Variants in LRRIQ1 observed in about 807,000 individuals in gnomAD.
LRRIQ1 encodes leucine rich repeats and IQ motif containing 1.
A neutral mutation model predicts 211.9 loss-of-function variants in LRRIQ1; 210 were observed. The ratio of observed to expected loss-of-function variants is 0.99; its 90% confidence interval spans 0.89 to 1.11. The LOEUF is 1.11. Among genes scored for constraint, LRRIQ1 ranks in the 50% most tolerant of loss-of-function variants. The probability of loss-of-function intolerance (pLI) is 0.00; values close to 1 mark genes in which losing one functional copy is unlikely to be tolerated. For synonymous variants in LRRIQ1, 699 were observed against 650.1 expected (o/e 1.08, Z -1.14); for missense variants, 2,136 against 1,939.5 (o/e 1.10, Z -1.90).
intron 17 of LRRIQ1, among the ~76,000 whole-genome samples, chr12:85,126,524 G>T (rs1888379482): frequency 6.6e-6 from 1 of 152,048 alleles, no homozygotes; most frequent in Non-Finnish European, 1.5e-5. Context: ...GAATAAATGT[G>T]AATTATATTT....
chr12:85,091,411 T>G (rs1324449551), intron 11 of LRRIQ1, among the ~76,000 whole-genome samples: 4 of 152,162 alleles, frequency 2.6e-5, no homozygotes, highest in African/African-American at 4.8e-5. Flanking sequence ...TTGTCAGATG[T>G]ATAGTTTGGG....
intron 24 of LRRIQ1, among the ~76,000 whole-genome samples, chr12:85,167,430 C>T (rs1320620094): frequency 1.3e-5 from 2 of 152,162 alleles, no homozygotes; most frequent in Non-Finnish European, 2.9e-5. Context: ...ACAGTGCAGT[C>T]TTCAGTCGTT....
intron 24 of LRRIQ1, among the ~76,000 whole-genome samples, chr12:85,226,672 C>CCT (rs1180746823): frequency 9.3e-6 from 1 of 108,000 alleles, no homozygotes; most frequent in Non-Finnish European, 1.8e-5. Flanking sequence ...TAATGCCATC[C>CCT]CTCCCCCCTC....
chr12:85,191,696 T>A (rs11116737), intron 24 of LRRIQ1, among the ~76,000 whole-genome samples: 8,721 of 152,028 alleles, frequency 0.057, 831 homozygotes, highest in African/African-American at 0.2. Context: ...TGCTGAATTG[T>A]ATGGCAAGAG....
intron 7 of LRRIQ1, among the ~76,000 whole-genome samples, chr12:85,053,530 CG>C (rs1880579032): frequency 6.6e-6 from 1 of 152,126 alleles, no homozygotes; most frequent in Non-Finnish European, 1.5e-5. Flanking sequence ...ATTCAAAAAA[CG>C]TAAGTATTCA....
intron 25 of LRRIQ1, among the ~76,000 whole-genome samples, chr12:85,230,156 T>C (rs916525936): frequency 2.0e-5 from 3 of 152,210 alleles, no homozygotes; most frequent in African/African-American, 7.2e-5. Flanking sequence ...AGATATCAAA[T>C]GTTTATATTC....
At chr12:85,253,713 G>A (rs1565930037) in intron 1 of LRRIQ1, among the ~76,000 whole-genome samples, 2 of 151,692 alleles carry the variant, frequency 1.3e-5, no homozygotes, top group East Asian at 3.9e-4. Context: ...AACACAAATG[G>A]ACACACACAC....
intron 8 of LRRIQ1, among the ~76,000 whole-genome samples, chr12:85,059,967 G>C (rs903277887): frequency 7.9e-5 from 12 of 151,964 alleles, no homozygotes; most frequent in African/African-American, 2.4e-4. Flanking sequence ...AATTACTGAA[G>C]TGTAGCTTAT....
At chr12:85,066,919 A>T in intron 10 of LRRIQ1, 21 bp downstream of exon 10, 1 of 1,261,666 alleles carries the variant, frequency 7.9e-7, no homozygotes, top group East Asian at 2.7e-5. Flanking sequence ...TGAAATTTTA[A>T]TATTTAAAGA....
At chr12:85,195,766 A>T (rs1183590538) in intron 24 of LRRIQ1, among the ~76,000 whole-genome samples, 1 of 152,148 alleles carries the variant, frequency 6.6e-6, no homozygotes, top group East Asian at 1.9e-4. Context: ...AAACTGGCAC[A>T]AGACAGGGAT....
chr12:85,194,996 C>T (rs1892817824), intron 24 of LRRIQ1, among the ~76,000 whole-genome samples: 1 of 152,066 alleles, frequency 6.6e-6, no homozygotes, highest in East Asian at 1.9e-4. Flanking sequence ...GGGGATATCA[C>T]CACCGATCCC....
downstream of LRRIQ1, among the ~76,000 whole-genome samples, chr12:85,268,142 A>G (rs1032018632): frequency 5.9e-5 from 9 of 151,810 alleles, no homozygotes; most frequent in African/African-American, 9.7e-5. Context: ...GATGGGAAAT[A>G]TTTCCATGAA....
intron 24 of LRRIQ1, among the ~76,000 whole-genome samples, chr12:85,173,530 C>A (rs1382143708): frequency 6.6e-6 from 1 of 152,062 alleles, no homozygotes; most frequent in Non-Finnish European, 1.5e-5. Context: ...TTGTTGACAG[C>A]CACCTGCTTG....
intron 24 of LRRIQ1, among the ~76,000 whole-genome samples, chr12:85,196,456 A>G (rs1243130819): frequency 6.6e-6 from 1 of 152,144 alleles, no homozygotes; most frequent in Admixed American, 6.5e-5. Context: ...CCAAAACAGC[A>G]TGGTACTGGT....
chr12:85,074,819 A>G (rs1219862347), intron 11 of LRRIQ1, among the ~76,000 whole-genome samples: 2 of 152,124 alleles, frequency 1.3e-5, no homozygotes, highest in African/African-American at 4.8e-5. Flanking sequence ...GTTCATGGAA[A>G]ACCTTTAGTC....
chr12:85,243,736 A>G (rs778637478), intron 26 of LRRIQ1, among the ~76,000 whole-genome samples: 46 of 151,768 alleles, frequency 3.0e-4, no homozygotes, highest in Admixed American at 5.3e-4. Flanking sequence ...ATTAAAATAA[A>G]TAAATAAATG....
chr12:85,120,816 GAA>G (rs1565847401), intron 15 of LRRIQ1, among the ~76,000 whole-genome samples: 4 of 149,740 alleles, frequency 2.7e-5, no homozygotes, highest in African/African-American at 9.9e-5. Flanking sequence ...GCAGCCTGGT[GAA>G]AAGAGACCTA....
At chr12:85,071,328 G>C (rs1883059162) in intron 10 of LRRIQ1, among the ~76,000 whole-genome samples, 1 of 151,762 alleles carries the variant, frequency 6.6e-6, no homozygotes, top group South Asian at 2.1e-4. Context: ...ACTGTTCTTT[G>C]TCTTGCTTTT....
intron 15 of LRRIQ1, 45 bp downstream of exon 15, chr12:85,106,660 T>G: frequency 7.6e-7 from 1 of 1,317,558 alleles, no homozygotes; most frequent in Non-Finnish European, 1.1e-6. Flanking sequence ...TTATTATAGT[T>G]GCAGAAAAAA....
Sources: gnomAD v4.1 joint callset for allele counts (sites outside exome capture counted in the v4.1 genomes callset) on GRCh38, gnomAD v4.1.1 for gene constraint, MANE v1.5 for transcripts, NCBI Gene and HGNC (gene_info 2026-07-23, HGNC 2026-07-21) for gene names.